BICRAL: variants seen among roughly 807,000 people sequenced by gnomAD.
The protein encoded by BICRAL is BRD4-interacting chromatin-remodeling complex-associated protein-like.
A neutral mutation model predicts 91.8 loss-of-function variants in BICRAL; 8 were observed. The ratio of observed to expected loss-of-function variants is 0.09; its 90% CI spans 0.05 to 0.16. The LOEUF is 0.16. Ranked by LOEUF, BICRAL falls within the 10% of genes least tolerant of loss-of-function variation. The pLI, the probability that BICRAL is intolerant of heterozygous loss-of-function variation, is 1.00. For synonymous variants in BICRAL, 445 were observed against 491.1 expected (o/e 0.91, Z 1.24); for missense variants, 1,038 against 1,310.9 (o/e 0.79, Z 3.21).
intron 6 of BICRAL, among the ~76,000 whole-genome samples, chr6:42,830,717 A>G (rs1338986789): frequency 6.6e-6 from 1 of 152,054 alleles, no homozygotes; most frequent in East Asian, 1.9e-4. Flanking sequence ...CTGGGCTCAG[A>G]TGATCTTCCC....
At chr6:42,782,356 G>GC (rs1467948012) in intron 1 of BICRAL, among the ~76,000 whole-genome samples, 1 of 64,410 alleles carries the variant, frequency 1.6e-5, no homozygotes, top group Non-Finnish European at 3.1e-5. Context: ...GGGGGGGTGG[G>GC]TTTGTGGGTG....
chr6:42,762,530 A>G (rs1762566973), intron 1 of BICRAL, among the ~76,000 whole-genome samples: 1 of 152,252 alleles, frequency 6.6e-6, no homozygotes. Flanking sequence ...TATTAGTGGT[A>G]TATGAGGTGT....
At chr6:42,773,648 G>A (rs904416508) in intron 1 of BICRAL, among the ~76,000 whole-genome samples, 1 of 151,924 alleles carries the variant, frequency 6.6e-6, no homozygotes, top group African/African-American at 2.4e-5. Context: ...CCGAGTAGCT[G>A]GGATTACAGG....
chr6:42,809,629 C>T (rs1285319029), intron 1 of BICRAL, among the ~76,000 whole-genome samples: 1 of 151,686 alleles, frequency 6.6e-6, no homozygotes, highest in African/African-American at 2.4e-5. Flanking sequence ...CCCAAGCCAC[C>T]ATGCCCAGCT....
At chr6:42,780,747 G>GTTTTGTTTTTGT (rs55964600), upstream of BICRAL, among the ~76,000 whole-genome samples, 2 of 150,972 alleles carry the variant, frequency 1.3e-5, no homozygotes, top group Admixed American at 6.6e-5. Flanking sequence ...TTGTTGTTTT[G>GTTTTGTTTTTGT]TTTTGTTTTT....
At chr6:42,806,454 C>T (rs1247082266) in intron 1 of BICRAL, among the ~76,000 whole-genome samples, 1 of 152,108 alleles carries the variant, frequency 6.6e-6, no homozygotes, top group Admixed American at 6.5e-5. Flanking sequence ...TCAAGCAATC[C>T]TCTCACCTCA....
At chr6:42,755,965 C>T (rs1041063284) in intron 1 of BICRAL, among the ~76,000 whole-genome samples, 1 of 152,014 alleles carries the variant, frequency 6.6e-6, no homozygotes, top group Non-Finnish European at 1.5e-5. Flanking sequence ...TGAGCCACCG[C>T]GCCCGGCCCA....
At chr6:42,814,408 CAT>C (rs1562474732) in intron 2 of BICRAL, among the ~76,000 whole-genome samples, 1 of 139,734 alleles carries the variant, frequency 7.2e-6, no homozygotes, top group Non-Finnish European at 1.5e-5. Flanking sequence ...ACACAACACA[CAT>C]GTATACATAC....
intron 6 of BICRAL, among the ~76,000 whole-genome samples, chr6:42,842,574 A>G (rs1296516402): frequency 3.3e-5 from 5 of 152,102 alleles, no homozygotes; most frequent in African/African-American, 1.2e-4. Context: ...ATGGGTATAC[A>G]TTGAATGTCC....
chr6:42,778,552 T>G (rs997840875), upstream of BICRAL, among the ~76,000 whole-genome samples: 1 of 152,224 alleles, frequency 6.6e-6, no homozygotes, highest in Admixed American at 6.5e-5. Flanking sequence ...GACATTCTCT[T>G]TAAAAAGCCT....
Position 42,862,566 on chromosome 6 carries a change from A to G in BICRAL, c.2406A>G (p.Glu802=). ...TCGATAGGATGTTCAACCAGGAGGA[A>G]AGAGCTTCCCTGTCCCGAGACAAGC... The part of the protein sequence containing the change: ...VMIDRMFNQE[E]RASLSRDKRL... The change falls in exon 12 of 13, where the codon GAA becomes GAG. Residue 802 remains glutamate, a synonymous_variant. Coordinates refer to ENST00000314073, the MANE Select transcript of BICRAL (RefSeq NM_001393499.1). The G allele has an allele frequency of 6.2e-7, 1 of 1,612,606 alleles. No homozygotes were observed. Among genetic ancestry groups the G allele is most frequent in the Non-Finnish European group, 8.5e-7 (1 of 1,178,646 alleles).
intron 2 of BICRAL, among the ~76,000 whole-genome samples, chr6:42,811,513 C>G (rs887180570): frequency 6.6e-6 from 1 of 151,750 alleles, no homozygotes; most frequent in Non-Finnish European, 1.5e-5. Flanking sequence ...CCCAGCTACT[C>G]GGGAGGCTGA....
At chr6:42,812,280 G>A (rs921374354) in intron 2 of BICRAL, among the ~76,000 whole-genome samples, 11 of 152,178 alleles carry the variant, frequency 7.2e-5, no homozygotes, top group African/African-American at 2.6e-4. Context: ...GCAACATGGT[G>A]AAACCCTGTA....
intron 1 of BICRAL, among the ~76,000 whole-genome samples, chr6:42,809,676 A>G (rs898899199): frequency 2.0e-5 from 3 of 151,860 alleles, no homozygotes; most frequent in Admixed American, 6.6e-5. Flanking sequence ...GGGTTTTGCC[A>G]TGTTGCCCAG....
In BICRAL at chr6:42,807,614, C is replaced by A. The variant is rs567023911; in HGVS notation, c.-101-2692C>A. On this transcript the variant is annotated intron_variant, in intron 1 of 12. Coordinates refer to ENST00000314073, the MANE Select transcript of BICRAL (RefSeq NM_001393499.1). ...CCTGAGGTCAAGTGATTGAGACCATCCTGGCCAACATGGTGAAACCCCCAT... is the reference window on the plus strand; with the variant it reads ...CCTGAGGTCAAGTGATTGAGACCATACTGGCCAACATGGTGAAACCCCCAT... Among the ~76,000 whole-genome samples, 9 of 151,618 alleles carry A rather than the reference C, an allele frequency of 5.9e-5. No homozygotes were observed. In the South Asian group the frequency reaches 1.9e-3, roughly 32 times the overall value.
At chr6:42,794,049 TA>T (rs1763351708) in intron 1 of BICRAL, among the ~76,000 whole-genome samples, 1 of 151,898 alleles carries the variant, frequency 6.6e-6, no homozygotes, top group African/African-American at 2.4e-5. Context: ...TAAATCAGAT[TA>T]AAAGAAAAAA....
chr6:42,812,483 G>T (rs1343236044), intron 2 of BICRAL, among the ~76,000 whole-genome samples: 1 of 151,860 alleles, frequency 6.6e-6, no homozygotes, highest in African/African-American at 2.4e-5. Context: ...GAAAATAGTG[G>T]AAAGATTAAA....
At chr6:42,780,747 G>GTTTTGT (rs55964600), upstream of BICRAL, among the ~76,000 whole-genome samples, 57,228 of 150,958 alleles carry the variant, frequency 0.38, 11,320 homozygotes, top group African/African-American at 0.48. Context: ...TTGTTGTTTT[G>GTTTTGT]TTTTGTTTTT....
Position 42,793,296 on chromosome 6 carries a change from A to ATT in BICRAL, c.-102+11223_-102+11224dup, listed in dbSNP as rs35332872. On this transcript the variant is annotated intron_variant, in intron 1 of 12. Transcript: ENST00000314073. Reference sequence around the variant, plus strand: ...GTAGCTGGGATTACAGACCCAGCTAATTTTTTTTTTTTTTTTTTTTTTTTT... The same window carrying ATT: ...GTAGCTGGGATTACAGACCCAGCTAATTTTTTTTTTTTTTTTTTTTTTTTTTT... 1.6e-3 allele frequency among the ~76,000 whole-genome samples: 36 copies of ATT among 22,976 alleles called. 1 individual carries two copies. Among genetic ancestry groups the ATT allele is most frequent in the African/African-American group, 4.8e-3 (25 of 5,234 alleles). The allele number at this position is 22,976 out of a possible 152,430, so 15.1% of individuals were successfully genotyped here.
Sources: allele counts gnomAD v4.1 joint callset (sites outside exome capture counted in the v4.1 genomes callset), GRCh38; gene constraint gnomAD v4.1.1; transcripts MANE v1.5; gene names NCBI Gene and HGNC (gene_info 2026-07-23, HGNC 2026-07-21).